The following NRP1 variants were observed in gnomAD, a reference collection of about 807,000 sequenced individuals.
The protein encoded by NRP1 is neuropilin 1, also known as neuropilin-1.
In NRP1, 35 loss-of-function variants were observed where a neutral mutation model predicts 106.7. The ratio of observed to expected loss-of-function variants is 0.33; its 90% confidence interval spans 0.25 to 0.43. The LOEUF is 0.43. Among genes scored for constraint, NRP1 ranks in the 20% least tolerant of loss-of-function variants. NRP1 has a pLI of 1.00. For missense variants in NRP1, 1,024 were observed against 1,170.4 expected (o/e 0.87, Z 1.83); for synonymous variants, 437 against 417.9 (o/e 1.05, Z -0.56).
At chr10:33,307,887 A>T (rs181203666) in intron 2 of NRP1, among the ~76,000 whole-genome samples, 1 of 152,324 alleles carries the variant, frequency 6.6e-6, no homozygotes, top group Admixed American at 6.5e-5. Context: ...AGGAATATAA[A>T]TCATTCTACC....
At chr10:33,235,470 G>A (rs1385114108) in intron 6 of NRP1, among the ~76,000 whole-genome samples, 2 of 152,252 alleles carry the variant, frequency 1.3e-5, no homozygotes, top group Non-Finnish European at 2.9e-5. Flanking sequence ...AGCAACGCAC[G>A]GAACTGTGGC....
chr10:33,216,423 G>A (rs938708221), intron 8 of NRP1, among the ~76,000 whole-genome samples: 3 of 150,050 alleles, frequency 2.0e-5, no homozygotes, highest in African/African-American at 2.5e-5. Context: ...TGTGAGCCAC[G>A]GCGCCTGGCC....
intron 5 of NRP1, among the ~76,000 whole-genome samples, chr10:33,254,530 G>A (rs1262807556): frequency 1.3e-5 from 2 of 151,984 alleles, no homozygotes; most frequent in Admixed American, 1.3e-4. Context: ...TGTCATATGG[G>A]TACACACAAA....
At chr10:33,249,642 C>A (rs1028921201) in intron 6 of NRP1, 25 of 373,442 alleles carry the variant, frequency 6.7e-5, no homozygotes, top group Non-Finnish European at 1.2e-4. Flanking sequence ...ATGGAATAAT[C>A]TGGAAAAAAA....
intron 7 of NRP1, among the ~76,000 whole-genome samples, 165 bp from the exon 8 acceptor site, chr10:33,222,028 A>T (rs1371025650): frequency 6.6e-6 from 1 of 152,260 alleles, no homozygotes; most frequent in African/African-American, 2.4e-5. Flanking sequence ...ATTAGCAATC[A>T]GAATGATGTC....
rs1388156915 is a variant in NRP1, at chr10:33,179,813, G to A, written c.*263C>T. 2 of 458,852 alleles carry A rather than the reference G, an allele frequency of 4.4e-6. No homozygotes were observed. The highest frequency in any genetic ancestry group is 3.9e-6 in the Non-Finnish European group (1 of 255,636). The allele number at this position is 458,852 out of a possible 1,614,324, so 28.4% of individuals were successfully genotyped here. The stretch of plus-strand genomic sequence containing the variant: ...AGGAGGGGTCGAAATGAATGATTAT[G>A]TCAATCATACTTGGTCTCAACACCA... On this transcript the variant is annotated 3_prime_UTR_variant, in exon 17 of 17. Transcript: ENST00000374867.
At chr10:33,309,705 C>T (rs2132771260) in intron 2 of NRP1, among the ~76,000 whole-genome samples, 1 of 152,344 alleles carries the variant, frequency 6.6e-6, no homozygotes, top group East Asian at 1.9e-4. Context: ...TTGGAACACC[C>T]TCTAACCTTA....
At chr10:33,270,160 T>G (rs1259635334) in intron 3 of NRP1, among the ~76,000 whole-genome samples, 1 of 152,138 alleles carries the variant, frequency 6.6e-6, no homozygotes, top group East Asian at 1.9e-4. Flanking sequence ...AATACATTTT[T>G]TTTTTCAATT....
chr10:33,184,949 C>A (rs1835907412), intron 15 of NRP1, among the ~76,000 whole-genome samples: 1 of 152,094 alleles, frequency 6.6e-6, no homozygotes, highest in Non-Finnish European at 1.5e-5. Context: ...GCAAATGGAG[C>A]TGAAGACTAA....
chr10:33,190,837 T>C (rs1397611173), intron 13 of NRP1, among the ~76,000 whole-genome samples: 1 of 152,036 alleles, frequency 6.6e-6, no homozygotes, highest in Non-Finnish European at 1.5e-5. Context: ...TGGCTGGTTA[T>C]TTCTTTATTT....
At chr10:33,182,202 T>C (rs2506145) in intron 16 of NRP1, among the ~76,000 whole-genome samples, 26,166 of 152,064 alleles carry the variant, frequency 0.17, 2,873 homozygotes, top group African/African-American at 0.31. Context: ...ACCAAGGTTC[T>C]AGTAGAGGAA....
At chr10:33,217,031 G>T (rs769079648) in intron 8 of NRP1, among the ~76,000 whole-genome samples, 6 of 152,048 alleles carry the variant, frequency 3.9e-5, no homozygotes, top group Non-Finnish European at 7.4e-5. Context: ...ATTAAAAAAA[G>T]ATTTACAAAA....
intron 2 of NRP1, among the ~76,000 whole-genome samples, chr10:33,308,288 A>T (rs1409019679): frequency 6.6e-6 from 1 of 151,840 alleles, no homozygotes; most frequent in Non-Finnish European, 1.5e-5. Context: ...GTGACAAAAT[A>T]ATCTGTACAC....
intron 13 of NRP1, among the ~76,000 whole-genome samples, chr10:33,191,345 G>A (rs1335982621): frequency 1.3e-5 from 2 of 152,156 alleles, no homozygotes; most frequent in African/African-American, 4.8e-5. Context: ...GTGATCTAGG[G>A]CATGGTGAGG....
intron 2 of NRP1, among the ~76,000 whole-genome samples, chr10:33,300,621 C>G (rs1218702972): frequency 6.6e-6 from 1 of 152,208 alleles, no homozygotes; most frequent in African/African-American, 2.4e-5. Flanking sequence ...GGGAACTGCT[C>G]AGGGCAAACC....
intron 9 of NRP1, among the ~76,000 whole-genome samples, chr10:33,210,342 C>T (rs1838201270): frequency 6.6e-6 from 1 of 152,032 alleles, no homozygotes; most frequent in South Asian, 2.1e-4. Context: ...ATGAAAATAC[C>T]ATTACTACAT....
At chr10:33,327,975 A>G (rs1848009198) in intron 2 of NRP1, among the ~76,000 whole-genome samples, 1 of 152,170 alleles carries the variant, frequency 6.6e-6, no homozygotes, top group Non-Finnish European at 1.5e-5. Context: ...TAAATATAAC[A>G]GCCTTTCAGC....
At chr10:33,330,654 G>C (rs1848215083) in intron 2 of NRP1, 54 bp downstream of exon 2, 3 of 1,492,440 alleles carry the variant, frequency 2.0e-6, no homozygotes, top group Non-Finnish European at 1.8e-6. Context: ...CCCGTAGACA[G>C]GCGTGACCAC....
chr10:33,198,233 C>A (rs952787900), intron 11 of NRP1, among the ~76,000 whole-genome samples: 1 of 151,556 alleles, frequency 6.6e-6, no homozygotes, highest in Non-Finnish European at 1.5e-5. Flanking sequence ...CCTCCGCCTC[C>A]CAGGTTCAAG....
Sources: allele counts gnomAD v4.1 joint callset (sites outside exome capture counted in the v4.1 genomes callset), GRCh38; gene constraint gnomAD v4.1.1; transcripts MANE v1.5; gene names NCBI Gene and HGNC (gene_info 2026-07-23, HGNC 2026-07-21).